ABCB1: variants seen among roughly 807,000 people sequenced by gnomAD.
ABCB1 encodes ATP binding cassette subfamily B member 1, also known as ATP-dependent translocase ABCB1.
ABCB1 carries 69 observed loss-of-function variants against 142.0 expected under a neutral mutation model. The ratio of observed to expected loss-of-function variants is 0.49; its 90% CI spans 0.40 to 0.59. The LOEUF (loss-of-function observed/expected upper bound fraction) is 0.59. Ranked by LOEUF, ABCB1 falls within the 20% of genes least tolerant of loss-of-function variation. The probability of loss-of-function intolerance (pLI) is 0.00; values close to 1 mark genes in which losing one functional copy is unlikely to be tolerated. For missense variants in ABCB1, 1,326 were observed against 1,554.7 expected, an observed-to-expected ratio of 0.85 and a Z score of 2.47; for synonymous variants, 532 against 539.2, an observed-to-expected ratio of 0.99 and a Z score of 0.18.
intron 1 of ABCB1, among the ~76,000 whole-genome samples, chr7:87,666,680 G>A (rs987547339): frequency 6.6e-6 from 1 of 152,130 alleles, no homozygotes; most frequent in East Asian, 1.9e-4. Flanking sequence ...GTGTAAGGAA[G>A]GGGTCCAGTT....
rs767962530 is a variant in ABCB1 at position 87,550,545 on chromosome 7, G to T, written c.1147C>A (p.His383Asn). Residue 383 changes from histidine (H) to asparagine (N), a missense_variant, in exon 11 of 28, where the codon CAC becomes AAC. Transcript: ENST00000622132. ...TTTCCCTTAATATTATCTGGTTTGT[G>T]CCCACTCTTCGAATAGCTGTCAATA... ...PSIDSYSKSG[H>N]KPDNIKGNLE... 15 of 1,613,358 alleles carry T rather than the reference G, an allele frequency of 9.3e-6. No homozygotes were observed. In the South Asian group the frequency reaches 1.4e-4, roughly 15 times the overall value.
intron 8 of ABCB1, among the ~76,000 whole-genome samples, chr7:87,560,803 T>C (rs1192475105): frequency 6.6e-6 from 1 of 152,170 alleles, no homozygotes; most frequent in Non-Finnish European, 1.5e-5. Flanking sequence ...CAACACATAA[T>C]ATAAAAGATT....
chr7:87,550,880 G>T lies in ABCB1; in HGVS notation c.1000-42C>A, dbSNP rs202013565. On this transcript the variant is annotated intron_variant, in intron 9 of 27. Coordinates refer to ENST00000622132, the MANE Select transcript of ABCB1 (RefSeq NM_001348946.2). ...AAAACCATCAGGCTACTGAGATAGT[G>T]ACAGCAATTTTTTTTCATACTTCTT... 7.6e-7 allele frequency: 1 copy of T among 1,311,894 alleles called. No individual in the cohort carries two copies. The highest frequency in any genetic ancestry group is 1.1e-6 in the Non-Finnish European group (1 of 906,004). The allele number at this position is 1,311,894 out of a possible 1,614,324, so 81.3% of individuals were successfully genotyped here.
Position 87,595,779 on chromosome 7 carries a change from C to T in ABCB1, c.104G>A (p.Ser35Asn), listed in dbSNP as rs934040996. The change falls in exon 3 of 28, where the codon AGT (serine) becomes AAT (asparagine). Residue 35 changes from serine to asparagine, a missense_variant. Physicochemically the swap from Ser to Asn is conservative, Grantham distance 46. Transcript: ENST00000622132. ...KDKKEKKPTV[S>N]VFSMFRYSNW... ...TTCAAAACTCACCATTGAAAATACACTGACAGTTGGTTTCTTTTCCTTCTT... is the reference window on the plus strand; with the variant it reads ...TTCAAAACTCACCATTGAAAATACATTGACAGTTGGTTTCTTTTCCTTCTT... 6.2e-7 allele frequency: 1 copy of T among 1,610,592 alleles called. No homozygotes were observed. The highest frequency in any genetic ancestry group is 1.3e-5 in the African/African-American group (1 of 74,932).
chr7:87,556,719 G>A (rs529126264), intron 8 of ABCB1, among the ~76,000 whole-genome samples: 6 of 152,208 alleles, frequency 3.9e-5, no homozygotes, highest in Non-Finnish European at 7.4e-5. Flanking sequence ...CCATTCATGA[G>A]ACCCATTACA....
At chr7:87,657,479 C>CTA (rs1824224017) in intron 1 of ABCB1, among the ~76,000 whole-genome samples, 1 of 152,156 alleles carries the variant, frequency 6.6e-6, no homozygotes, top group South Asian at 2.1e-4. Flanking sequence ...CCTCCTGAGG[C>CTA]TATAACAGTG....
At chr7:87,637,915 C>G (rs1821961482) in intron 1 of ABCB1, among the ~76,000 whole-genome samples, 2 of 151,768 alleles carry the variant, frequency 1.3e-5, no homozygotes, top group South Asian at 4.2e-4. Flanking sequence ...ATTGCACTGG[C>G]TAGGACCACT....
At position 87,626,288 on chromosome 7, in the gene ABCB1, A is replaced by ATATATATGTGTCG. The variant is rs1820513755; in HGVS notation, c.-330-25211_-330-25210insCGACACATATATA. Among the ~76,000 whole-genome samples, 2 of 48,486 alleles carry ATATATATGTGTCG rather than the reference A, an allele frequency of 4.1e-5. 1 individual carries two copies. Among genetic ancestry groups the ATATATATGTGTCG allele is most frequent in the Non-Finnish European group, 7.1e-5 (2 of 28,168 alleles). The allele number at this position is 48,486 out of a possible 152,430, so 31.8% of individuals were successfully genotyped here. ...CATATATGTGTCATATATATGTGTC[A>ATATATATGTGTCG]TATATGTGTCATATATATGTGTCGT... On this transcript the variant is annotated intron_variant, in intron 1 of 28. Transcript: ENST00000265724.
At chr7:87,506,551 TCAAAATG>T (rs1460760778) in intron 26 of ABCB1, among the ~76,000 whole-genome samples, 1 of 142,900 alleles carries the variant, frequency 7.0e-6, no homozygotes, top group African/African-American at 3.1e-5. Flanking sequence ...ATGGATGCTA[TCAAAATG>T]GATTCCATTT....
chr7:87,675,566 T>G (rs1826247841), intron 1 of ABCB1, among the ~76,000 whole-genome samples: 1 of 146,456 alleles, frequency 6.8e-6, no homozygotes, highest in Non-Finnish European at 1.5e-5. Flanking sequence ...TATGGTCAAC[T>G]AATTTTTGAC....
rs1026345999 is a variant in ABCB1, at chr7:87,600,268, CG to C, written c.-6-79del. 1.6e-5 allele frequency: 20 copies of C among 1,227,380 alleles called. No homozygotes were observed. In the African/African-American group the frequency reaches 3.0e-4, roughly 19 times the overall value. The allele number at this position is 1,227,380 out of a possible 1,614,324, so 76.0% of individuals were successfully genotyped here. A position where few individuals can be genotyped will look rare whatever the true frequency, so the allele number is the denominator to read the frequency against. On this transcript the variant is annotated intron_variant, in intron 1 of 27. Coordinates refer to ENST00000622132, the MANE Select transcript of ABCB1 (RefSeq NM_001348946.2). ...GAGGTGAGACTAACCTCTAGTCCCC[CG>C]TCGAAGCCAGAGAGCAGTAAGAGGG...
At chr7:87,556,275 T>C (rs562420657) in intron 8 of ABCB1, among the ~76,000 whole-genome samples, 8 of 152,212 alleles carry the variant, frequency 5.3e-5, no homozygotes, top group Non-Finnish European at 8.8e-5. Context: ...AGGAACAATT[T>C]TGGTTAAGCC....
chr7:87,521,358 T>C (rs1815496971), intron 21 of ABCB1: 3 of 510,112 alleles, frequency 5.9e-6, no homozygotes, highest in Non-Finnish European at 1.0e-5. Context: ...AAATTTTAGA[T>C]ACATTCAAAG....
At chr7:87,583,648 A>G (rs1347307833) in intron 4 of ABCB1, among the ~76,000 whole-genome samples, 1 of 152,182 alleles carries the variant, frequency 6.6e-6, no homozygotes, top group Non-Finnish European at 1.5e-5. Flanking sequence ...TCCAGAAAGG[A>G]GCTAGTCTTC....
intron 1 of ABCB1, among the ~76,000 whole-genome samples, chr7:87,608,149 C>A (rs1183979974): frequency 6.6e-6 from 1 of 152,126 alleles, no homozygotes; most frequent in East Asian, 1.9e-4. Flanking sequence ...AACAAGATAA[C>A]CCAACATTGC....
At chr7:87,580,717 G>A (rs1818470855) in intron 4 of ABCB1, among the ~76,000 whole-genome samples, 1 of 151,994 alleles carries the variant, frequency 6.6e-6, no homozygotes, top group African/African-American at 2.4e-5. Context: ...TATTTTGTAG[G>A]TCTTGTGGGC....
chr7:87,591,707 G>C (rs745398817), intron 3 of ABCB1, among the ~76,000 whole-genome samples: 11 of 152,142 alleles, frequency 7.2e-5, no homozygotes, highest in Non-Finnish European at 1.3e-4. Flanking sequence ...AAGGAATGGG[G>C]GTGGGGGTAT....
intron 1 of ABCB1, among the ~76,000 whole-genome samples, chr7:87,671,974 G>A (rs1825865485): frequency 6.6e-6 from 1 of 152,096 alleles, no homozygotes; most frequent in Admixed American, 6.5e-5. Context: ...AGTGGGACTG[G>A]GGACCCACTT....
intron 1 of ABCB1, among the ~76,000 whole-genome samples, chr7:87,671,472 A>AT: frequency 6.6e-6 from 1 of 152,042 alleles, no homozygotes; most frequent in Middle Eastern, 3.4e-3. Flanking sequence ...ACTCTGGCCA[A>AT]TTTTCCATAG....
Sources: gnomAD v4.1 joint callset for allele counts (sites outside exome capture counted in the v4.1 genomes callset) on GRCh38, gnomAD v4.1.1 for gene constraint, MANE v1.5 for transcripts, NCBI Gene and HGNC (gene_info 2026-07-23, HGNC 2026-07-21) for gene names.